SCNN1B: variants seen among roughly 807,000 people sequenced by gnomAD.
SCNN1B encodes sodium channel epithelial 1 subunit beta.
A neutral mutation model predicts 65.3 loss-of-function variants in SCNN1B; 46 were observed. The observed-to-expected ratio is 0.70, with a 90% CI of 0.56 to 0.90. The LOEUF is 0.90. Ranked by LOEUF, SCNN1B falls within the 40% of genes least tolerant of loss-of-function variation. The pLI, the probability that SCNN1B is intolerant of heterozygous loss-of-function variation, is 0.00. For missense variants in SCNN1B, 751 were observed against 830.5 expected (o/e 0.90, Z 1.18); for synonymous variants, 349 against 330.6 (o/e 1.06, Z -0.60).
rs1409276414 is a variant in SCNN1B, at chr16:23,343,486, G to GGAAGGAAGGAAGGAAGGAAGGAAGGAA, written c.-8-5083_-8-5082insGGAAGAAGGAAGGAAGGAAGGAAGGAA. Reference sequence around the variant, plus strand: ...AAAGGAAAAGAAAGAAAGGAAGGAAGGAAGGAAGGAAGGAAGGAAGGAAAA... The same window carrying GGAAGGAAGGAAGGAAGGAAGGAAGGAA: ...AAAGGAAAAGAAAGAAAGGAAGGAAGGAAGGAAGGAAGGAAGGAAGGAAGGAAGAAGGAAGGAAGGAAGGAAGGAAAA... On this transcript the variant is annotated intron_variant, in intron 1 of 12. Transcript: ENST00000343070. Among the ~76,000 whole-genome samples the GGAAGGAAGGAAGGAAGGAAGGAAGGAA allele has an allele frequency of 9.0e-4, 97 of 108,106 alleles. 7 individuals carry two copies. Among genetic ancestry groups the GGAAGGAAGGAAGGAAGGAAGGAAGGAA allele is most frequent in the African/African-American group, 3.4e-3 (89 of 26,400 alleles). The allele number at this position is 108,106 out of a possible 152,430, so 70.9% of individuals were successfully genotyped here.
At chr16:23,324,949 G>A (rs1323489925) in intron 1 of SCNN1B, among the ~76,000 whole-genome samples, 1 of 152,268 alleles carries the variant, frequency 6.6e-6, no homozygotes, top group African/African-American at 2.4e-5. Context: ...CTGGCATGGG[G>A]CCTGGTGGGC....
chr16:23,305,571 TATATATTATA>T (rs1567290436), intron 1 of SCNN1B, among the ~76,000 whole-genome samples: 1,505 of 33,612 alleles, frequency 0.045, 98 homozygotes, highest in East Asian at 0.19. Flanking sequence ...TATATATATA[TATATATTATA>T]TATATATATA....
At chr16:23,341,401 T>C (rs1962052453) in intron 1 of SCNN1B, among the ~76,000 whole-genome samples, 1 of 152,080 alleles carries the variant, frequency 6.6e-6, no homozygotes, top group Non-Finnish European at 1.5e-5. Flanking sequence ...GATTAGGCAA[T>C]AGAGTCTTAG....
At chr16:23,334,690 T>C (rs1163455341) in intron 1 of SCNN1B, among the ~76,000 whole-genome samples, 1 of 152,222 alleles carries the variant, frequency 6.6e-6, no homozygotes, top group East Asian at 1.9e-4. Context: ...GGTCAAGCTG[T>C]TTCCCATTTG....
rs1383848872 is a variant in SCNN1B, at chr16:23,380,751, C to G, written c.1873C>G (p.Leu625Val). ...GCCCCCCAACTATGACTCCCTGCGT[C>G]TGCAGCCGCTGGACGTCATCGAGTC... ...TPPPNYDSLR[L>V]QPLDVIESDS... Residue 625 changes from leucine (L) to valine (V), a missense_variant, in exon 13 of 13, where the codon CTG becomes GTG. By Grantham distance (32) the Leu-to-Val change is conservative. Transcript: ENST00000343070. This position sits in a 1 kb window ranked among gnomAD's most constrained non-coding sequence, Gnocchi z 5.4. 9.3e-6 allele frequency: 15 copies of G among 1,612,576 alleles called. No homozygotes were observed. The highest frequency in any genetic ancestry group is 1.2e-5 in the Non-Finnish European group (14 of 1,179,956).
intron 1 of SCNN1B, among the ~76,000 whole-genome samples, chr16:23,309,643 C>G (rs1567291957): frequency 6.6e-6 from 1 of 152,188 alleles, no homozygotes; most frequent in South Asian, 2.1e-4. Context: ...CTAGGCTTTT[C>G]ACATTTTTCT....
Position 23,348,641 on chromosome 16 carries a change from G to T in SCNN1B, c.42G>T (p.Leu14=). 1 of 1,613,550 alleles carries T rather than the reference G, an allele frequency of 6.2e-7. No individual in the cohort carries two copies. Among genetic ancestry groups the T allele is most frequent in the Non-Finnish European group, 8.5e-7 (1 of 1,179,984 alleles). Residue 14 remains leucine, a synonymous_variant, in exon 2 of 13, where the codon CTG becomes CTT. Coordinates refer to ENST00000343070, the MANE Select transcript of SCNN1B (RefSeq NM_000336.3). This position sits in a 1 kb window ranked among gnomAD's most constrained non-coding sequence, Gnocchi z 4.5. The stretch of plus-strand genomic sequence containing the variant: ...ACCTGCTGAAGGGCCTGCATCGGCT[G>T]CAGAAGGGCCCCGGCTACACGTACA... The part of the protein sequence containing the change: ...KKYLLKGLHR[L]QKGPGYTYKE...
chr16:23,331,919 G>A (rs1316529210), intron 1 of SCNN1B, among the ~76,000 whole-genome samples: 3 of 152,150 alleles, frequency 2.0e-5, no homozygotes, highest in African/African-American at 7.2e-5. Flanking sequence ...GCATTATAAG[G>A]AAACCCACAG....
intron 1 of SCNN1B, among the ~76,000 whole-genome samples, chr16:23,317,597 C>A (rs1412366787): frequency 6.6e-6 from 1 of 152,190 alleles, no homozygotes; most frequent in East Asian, 1.9e-4. Flanking sequence ...CTTTTCCAGG[C>A]TGCACGGAGG....
intron 4 of SCNN1B, among the ~76,000 whole-genome samples, chr16:23,365,746 C>G (rs996463365): frequency 6.6e-6 from 1 of 152,188 alleles, no homozygotes; most frequent in Non-Finnish European, 1.5e-5. Flanking sequence ...AGCCTAGCAC[C>G]CACCTCAACA....
upstream of SCNN1B, among the ~76,000 whole-genome samples, chr16:23,300,993 C>CGT (rs60930177): frequency 0.036 from 5,359 of 148,410 alleles, 106 homozygotes; most frequent in African/African-American, 0.053. Flanking sequence ...GTTAAAAACA[C>CGT]GTGTGTGTGT....
intron 5 of SCNN1B, among the ~76,000 whole-genome samples, chr16:23,370,050 C>T (rs1450242970): frequency 1.3e-5 from 2 of 152,206 alleles, no homozygotes; most frequent in African/African-American, 2.4e-5. Flanking sequence ...CCTGCCTCAG[C>T]TTCCCAAGTA....
intron 1 of SCNN1B, among the ~76,000 whole-genome samples, chr16:23,281,641 A>G (rs1360588786): frequency 6.6e-6 from 1 of 152,206 alleles, no homozygotes; most frequent in Non-Finnish European, 1.5e-5. Context: ...TGGTAGCTAG[A>G]TAATGGGTAC....
At chr16:23,310,047 C>T (rs1485698579) in intron 1 of SCNN1B, among the ~76,000 whole-genome samples, 1 of 152,068 alleles carries the variant, frequency 6.6e-6, no homozygotes, top group Non-Finnish European at 1.5e-5. Context: ...AATCAAGAAG[C>T]ACGCCCCTCC....
At chr16:23,310,777 G>A (rs1961324824) in intron 1 of SCNN1B, among the ~76,000 whole-genome samples, 2 of 152,238 alleles carry the variant, frequency 1.3e-5, no homozygotes, top group South Asian at 4.1e-4. Context: ...GAAAAGAAGT[G>A]TACATTGAAT....
chr16:23,323,273 G>A (rs1461013361), intron 1 of SCNN1B, among the ~76,000 whole-genome samples: 1 of 152,122 alleles, frequency 6.6e-6, no homozygotes, highest in Non-Finnish European at 1.5e-5. Flanking sequence ...TGGAGGAGGT[G>A]GCACTGGAGC....
intron 1 of SCNN1B, chr16:23,304,135 T>G: frequency 2.0e-6 from 3 of 1,486,090 alleles, no homozygotes; most frequent in Non-Finnish European, 2.7e-6. Flanking sequence ...CTATAAATTG[T>G]TATCTCTGGG....
intron 2 of SCNN1B, among the ~76,000 whole-genome samples, chr16:23,290,131 C>G (rs939187661): frequency 6.6e-6 from 1 of 152,102 alleles, no homozygotes; most frequent in Non-Finnish European, 1.5e-5. Flanking sequence ...TAAAATGAGG[C>G]CGATAGTCTC....
intron 2 of SCNN1B, among the ~76,000 whole-genome samples, chr16:23,297,057 G>A (rs1961008929): frequency 6.6e-6 from 1 of 151,752 alleles, no homozygotes; most frequent in Admixed American, 6.6e-5. Context: ...TTGATCAATG[G>A]AATAAGGATT....
Sources: gnomAD v4.1 joint callset for allele counts (sites outside exome capture counted in the v4.1 genomes callset) on GRCh38, gnomAD v4.1.1 for gene constraint, Gnocchi (gnomAD v3.1) non-coding constraint, MANE v1.5 for transcripts, NCBI Gene and HGNC (gene_info 2026-07-23, HGNC 2026-07-21) for gene names.